NAP1L4: variants seen among roughly 807,000 people sequenced by gnomAD.
The protein encoded by NAP1L4 is nucleosome assembly protein 1-like 4.
A neutral mutation model predicts 58.2 loss-of-function variants in NAP1L4; 15 were observed. That is an observed-to-expected ratio of 0.26 (90% confidence interval 0.17 to 0.40). The LOEUF (loss-of-function observed/expected upper bound fraction) is 0.40, where lower values mean the gene tolerates loss of function less well. NAP1L4 is among the 10% of genes least tolerant of loss of function. The pLI, the probability that NAP1L4 is intolerant of heterozygous loss-of-function variation, is 1.00. For synonymous variants in NAP1L4, 171 were observed against 155.6 expected, an observed-to-expected ratio of 1.10 and a Z score of -0.74; for missense variants, 384 against 451.1, an observed-to-expected ratio of 0.85 and a Z score of 1.35.
chr11:2,955,599 A>G lies in NAP1L4; in HGVS notation c.915+145T>C. 1 of 746,392 alleles carries G rather than the reference A, an allele frequency of 1.3e-6. No homozygotes were observed. Among genetic ancestry groups the G allele is most frequent in the Non-Finnish European group, 2.2e-6 (1 of 450,190 alleles). The allele number at this position is 746,392 out of a possible 1,614,324, so 46.2% of individuals were successfully genotyped here. On this transcript the variant is annotated intron_variant, in intron 11 of 15. Coordinates refer to ENST00000380542, the MANE Select transcript of NAP1L4 (RefSeq NM_005969.4). This position sits in a 1 kb window ranked among gnomAD's most constrained non-coding sequence, Gnocchi z 4.2. ...ACTCCTGGACTCGTGCAGTCCTCCC[A>G]CCTCAGCCTCCCAAAGCATTAAGAT...
At chr11:2,985,512 C>T (rs954255159) in intron 1 of NAP1L4, among the ~76,000 whole-genome samples, 1 of 152,142 alleles carries the variant, frequency 6.6e-6, no homozygotes, top group Non-Finnish European at 1.5e-5. Context: ...ATCTATACAA[C>T]CTGGTGACTA....
chr11:2,949,288 G>A lies in NAP1L4; in HGVS notation c.1123-24C>T. On this transcript the variant is annotated intron_variant, in intron 14 of 15. Transcript: ENST00000380542. The surrounding 1 kb of genome is among the most constrained non-coding windows in gnomAD (Gnocchi z 4.0). Reference sequence around the variant, plus strand: ...ACCTAAATGGGGAAAAAAATTGAAAGGAACTGTCAGCATGAAAGAAAATGA... The same window carrying A: ...ACCTAAATGGGGAAAAAAATTGAAAAGAACTGTCAGCATGAAAGAAAATGA... The A allele has an allele frequency of 1.3e-6, 2 of 1,573,098 alleles. No individual in the cohort carries two copies. Among genetic ancestry groups the A allele is most frequent in the South Asian group, 2.2e-5 (2 of 90,152 alleles).
At chr11:2,958,908 A>G (rs940783216) in intron 9 of NAP1L4, 1 of 249,796 alleles carries the variant, frequency 4.0e-6, no homozygotes, top group Admixed American at 5.1e-5. Context: ...CTGCTGTTCA[A>G]AGCAGCCAAC....
intron 8 of NAP1L4, among the ~76,000 whole-genome samples, chr11:2,964,329 C>G (rs968796832): frequency 2.0e-5 from 3 of 152,186 alleles, no homozygotes; most frequent in African/African-American, 7.2e-5. Context: ...GCACAGTGGA[C>G]AGCACCACTA....
chr11:2,984,430 G>C, intron 1 of NAP1L4, among the ~76,000 whole-genome samples: 1 of 152,136 alleles, frequency 6.6e-6, no homozygotes, highest in East Asian at 1.9e-4. Context: ...AATTAGCCGG[G>C]CATGGTGGCG....
chr11:2,990,765 A>G (rs1262073247), intron 1 of NAP1L4: 1 of 178,760 alleles, frequency 5.6e-6, no homozygotes, highest in African/African-American at 2.4e-5. Context: ...TGGAAAAACA[A>G]TAGCATCTAT....
intron 7 of NAP1L4, among the ~76,000 whole-genome samples, chr11:2,965,464 G>A (rs1847216091): frequency 6.6e-6 from 1 of 152,198 alleles, no homozygotes; most frequent in Non-Finnish European, 1.5e-5. Context: ...TAATCTTACA[G>A]GACCGCCATC....
intron 1 of NAP1L4, chr11:2,991,836 G>A (rs894942572): frequency 3.3e-5 from 5 of 152,212 alleles, no homozygotes; most frequent in Admixed American, 1.3e-4. Flanking sequence ...GCCCGGCCGT[G>A]TAACCGCCAC....
Position 2,971,857 on chromosome 11 carries a change from G to A in NAP1L4, c.315+245C>T, listed in dbSNP as rs1331377120. On this transcript the variant is annotated intron_variant, in intron 5 of 15. Coordinates refer to ENST00000380542, the MANE Select transcript of NAP1L4 (RefSeq NM_005969.4). The surrounding 1 kb of genome is among the most constrained non-coding windows in gnomAD (Gnocchi z 4.2). ...CACTGTGTTCCTCTCTCTGTGTAGG[G>A]TTCAATACATTACGCGAGATACTCA... 3.3e-5 allele frequency among the ~76,000 whole-genome samples: 5 copies of A among 152,224 alleles called. No individual in the cohort carries two copies. The South Asian group carries it at 1.0e-3, about 32-fold the overall frequency.
chr11:2,954,835 G>C lies in NAP1L4; in HGVS notation c.916-189C>G, dbSNP rs1846439103. On this transcript the variant is annotated intron_variant, in intron 11 of 15. Coordinates refer to ENST00000380542, the MANE Select transcript of NAP1L4 (RefSeq NM_005969.4). The surrounding 1 kb of genome is among the most constrained non-coding windows in gnomAD (Gnocchi z 4.8). ...AAACAACTTTAAGTAGCTTTAAAGA[G>C]CTACTGAAGCAAAATGGCAGAGAAA... 3.0e-6 allele frequency: 2 copies of C among 672,970 alleles called. No individual in the cohort carries two copies. The highest frequency in any genetic ancestry group is 2.8e-5 in the Admixed American group (1 of 36,028). The allele number at this position is 672,970 out of a possible 1,614,324, so 41.7% of individuals were successfully genotyped here.
At chr11:2,986,366 CCT>C (rs1228206035) in intron 1 of NAP1L4, among the ~76,000 whole-genome samples, 2 of 129,958 alleles carry the variant, frequency 1.5e-5, no homozygotes, top group Non-Finnish European at 3.2e-5. Context: ...AGAGCCAGAC[CCT>C]GTCTCAAAAA....
At chr11:2,964,795 A>G (rs766183229) in intron 7 of NAP1L4, 44 bp from the exon 8 acceptor site, 8 of 1,416,730 alleles carry the variant, frequency 5.6e-6, no homozygotes, top group Admixed American at 1.7e-5. Flanking sequence ...TTTTAAAAAA[A>G]CAACACATCT....
chr11:2,954,340 G>T lies in NAP1L4; in HGVS notation c.1035+187C>A. ...CACAGACACCTGCTTTTCCTGCTCT[G>T]TTCCTCAGACTTCTCCTCTTCAAGC... On this transcript the variant is annotated intron_variant, in intron 12 of 15. Transcript: ENST00000380542. The surrounding 1 kb of genome is among the most constrained non-coding windows in gnomAD (Gnocchi z 4.8). The T allele has an allele frequency of 2.3e-6, 2 of 869,590 alleles. No homozygotes were observed. Among genetic ancestry groups the T allele is most frequent in the Non-Finnish European group, 3.6e-6 (2 of 548,128 alleles). 53.9% of individuals were successfully genotyped at this position (869,590 alleles called of 1,614,324 possible). A position where few individuals can be genotyped will look rare whatever the true frequency, so the allele number is the denominator to read the frequency against.
chr11:2,949,200 T>C lies in NAP1L4; in HGVS notation c.*32+27A>G. 1 of 1,547,668 alleles carries C rather than the reference T, an allele frequency of 6.5e-7. No individual in the cohort carries two copies. ...AAAGTATAGATCAGAAGTTTGGAAGTTAGGTATGAATGGAATTCCACCTTA... is the reference window on the plus strand; with the variant it reads ...AAAGTATAGATCAGAAGTTTGGAAGCTAGGTATGAATGGAATTCCACCTTA... On this transcript the variant is annotated intron_variant, in intron 15 of 15. Coordinates refer to ENST00000380542, the MANE Select transcript of NAP1L4 (RefSeq NM_005969.4). The surrounding 1 kb of genome is among the most constrained non-coding windows in gnomAD (Gnocchi z 4.0).
chr11:2,965,241 G>T (rs962610947), intron 7 of NAP1L4, among the ~76,000 whole-genome samples: 1 of 152,206 alleles, frequency 6.6e-6, no homozygotes, highest in African/African-American at 2.4e-5. Context: ...TTAACAATGG[G>T]GGCACCTCCT....
chr11:2,986,626 A>ACT (rs556788048), intron 1 of NAP1L4, among the ~76,000 whole-genome samples: 1 of 139,726 alleles, frequency 7.2e-6, no homozygotes, highest in Non-Finnish European at 1.5e-5. Flanking sequence ...ATGGTAGTAA[A>ACT]TTTTTTTTTT....
At chr11:2,985,491 GC>G (rs1302672068) in intron 1 of NAP1L4, among the ~76,000 whole-genome samples, 1 of 152,130 alleles carries the variant, frequency 6.6e-6, no homozygotes, top group African/African-American at 2.4e-5. Context: ...CTTTTAAAAG[GC>G]AATCAAGGGA....
intron 4 of NAP1L4, among the ~76,000 whole-genome samples, chr11:2,973,640 A>C (rs1464355057): frequency 6.6e-6 from 1 of 152,236 alleles, no homozygotes; most frequent in Non-Finnish European, 1.5e-5. Context: ...GTTTAAGCAA[A>C]GACTCTCAAA....
Position 2,948,974 on chromosome 11 carries a change from G to A in NAP1L4, c.*32+253C>T, listed in dbSNP as rs962948060. 1.3e-5 allele frequency among the ~76,000 whole-genome samples: 2 copies of A among 152,188 alleles called. No homozygotes were observed. Among genetic ancestry groups the A allele is most frequent in the Non-Finnish European group, 2.9e-5 (2 of 68,032 alleles). On this transcript the variant is annotated intron_variant, in intron 15 of 15. Transcript: ENST00000380542. The surrounding 1 kb of genome is among the most constrained non-coding windows in gnomAD (Gnocchi z 5.1). ...CTCTTACTGGAAAGCAGTACCATCA[G>A]CAATGAAAATTACACCCAAGTTACA...
Sources: gnomAD v4.1 joint callset for allele counts (sites outside exome capture counted in the v4.1 genomes callset) on GRCh38, gnomAD v4.1.1 for gene constraint, Gnocchi (gnomAD v3.1) non-coding constraint, MANE v1.5 for transcripts, NCBI Gene and HGNC (gene_info 2026-07-23, HGNC 2026-07-21) for gene names.